Variants in GRIP1 observed in about 807,000 individuals in gnomAD.
The protein encoded by GRIP1 is glutamate receptor-interacting protein 1.
In GRIP1, 45 loss-of-function variants were observed where a neutral mutation model predicts 129.9. The ratio of observed to expected loss-of-function variants is 0.35; its 90% CI spans 0.27 to 0.44. The LOEUF (loss-of-function observed/expected upper bound fraction) is 0.44, where lower values mean the gene tolerates loss of function less well. Among genes scored for constraint, GRIP1 ranks in the 20% least tolerant of loss-of-function variants. The pLI, the probability that GRIP1 is intolerant of heterozygous loss-of-function variation, is 1.00. For missense variants in GRIP1, 1,196 were observed against 1,396.8 expected (o/e 0.86, Z 2.29); for synonymous variants, 530 against 520.8 (o/e 1.02, Z -0.24).
At chr12:66,978,549 C>A (rs149948841) in intron 1 of GRIP1, among the ~76,000 whole-genome samples, 108 of 152,244 alleles carry the variant, frequency 7.1e-4, no homozygotes, top group African/African-American at 2.3e-3. Flanking sequence ...ATATTTTTCC[C>A]AAGGAGGAAA....
intron 1 of GRIP1, among the ~76,000 whole-genome samples, chr12:66,736,334 C>A (rs1438763743): frequency 1.8e-5 from 2 of 109,822 alleles, no homozygotes; most frequent in Non-Finnish European, 3.9e-5. Context: ...TGTGCACCAC[C>A]GTGCCTGGCT....
chr12:66,408,928 G>A (rs936511139), intron 15 of GRIP1, among the ~76,000 whole-genome samples: 2 of 152,150 alleles, frequency 1.3e-5, no homozygotes, highest in Non-Finnish European at 2.9e-5. Context: ...GTGGCCAGGG[G>A]GAGAGACTTC....
intron 1 of GRIP1, among the ~76,000 whole-genome samples, chr12:66,803,007 T>C (rs1447067992): frequency 1.3e-5 from 2 of 152,200 alleles, no homozygotes; most frequent in Non-Finnish European, 2.9e-5. Flanking sequence ...TGCCACCACA[T>C]GAATTTTCAA....
chr12:67,008,952 A>C (rs1293005064), intron 1 of GRIP1, among the ~76,000 whole-genome samples: 1 of 152,194 alleles, frequency 6.6e-6, no homozygotes, highest in Admixed American at 6.5e-5. Flanking sequence ...CCTTGACACA[A>C]AAGTACACTA....
Position 66,768,584 on chromosome 12 carries a change from C to A in GRIP1, c.-420+35469G>T, listed in dbSNP as rs564797386. Among the ~76,000 whole-genome samples the A allele has an allele frequency of 2.6e-5, 4 of 152,300 alleles. No individual in the cohort carries two copies. The South Asian group carries it at 8.3e-4, about 32-fold the overall frequency. ...AGGAACAATGTGTCCTTACTACAAC[C>A]ACCTTTCTGATTTTCCCAATGGCGT... is the stretch of plus-strand genomic sequence containing the variant. On this transcript the variant is annotated intron_variant, in intron 1 of 4. Transcript: ENST00000538373.
chr12:66,704,050 C>A (rs963544078), intron 1 of GRIP1, among the ~76,000 whole-genome samples: 3 of 151,804 alleles, frequency 2.0e-5, no homozygotes, highest in South Asian at 2.1e-4. Context: ...AAGCAGATCC[C>A]AGAATAAAAA....
intron 1 of GRIP1, among the ~76,000 whole-genome samples, chr12:66,637,203 C>T (rs10784565): frequency 0.2 from 29,991 of 151,730 alleles, 3,085 homozygotes; most frequent in Non-Finnish European, 0.23. Flanking sequence ...AGAGTAGAAA[C>T]TGTATAAAAT....
At position 66,531,280 on chromosome 12, in the gene GRIP1, T is replaced by A. The variant is rs1263234667; in HGVS notation, c.419-1366A>T. ...ATATATATATATATATATATATATA[T>A]ATATATATATATATATATATATACA... On this transcript the variant is annotated intron_variant, in intron 4 of 24. Coordinates refer to ENST00000359742, the MANE Select transcript of GRIP1 (RefSeq NM_001366722.1). Among the ~76,000 whole-genome samples the A allele has an allele frequency of 2.7e-4, 5 of 18,470 alleles. 1 individual carries two copies. The highest frequency in any genetic ancestry group is 1.8e-3 in the African/African-American group (4 of 2,276). The allele number at this position is 18,470 out of a possible 152,430, so 12.1% of individuals were successfully genotyped here.
chr12:66,548,673 C>G (rs1020015884), intron 2 of GRIP1, among the ~76,000 whole-genome samples: 50 of 152,086 alleles, frequency 3.3e-4, no homozygotes, highest in African/African-American at 1.2e-3. Flanking sequence ...ATGTGGGAAG[C>G]ATGGAAGTGA....
rs371924847 is a variant in GRIP1 at position 66,899,714 on chromosome 12, A to C, written c.58+169336T>G. On this transcript the variant is annotated intron_variant, in intron 1 of 1. Coordinates refer to the GRIP1 transcript ENST00000643019. ...ACTCATCTTTTGCTATGGGGTAGAT[A>C]CTAGACTTCAATTGCTCATGCATGC... Among the ~76,000 whole-genome samples, 23 of 152,298 alleles carry C rather than the reference A, an allele frequency of 1.5e-4. 1 individual carries two copies. The highest frequency in any genetic ancestry group is 5.5e-4 in the African/African-American group (23 of 41,568).
In GRIP1 at chr12:66,455,488, T is replaced by C; in HGVS notation, c.1275A>G (p.Leu425=). The C allele has an allele frequency of 6.2e-7, 1 of 1,613,290 alleles. No homozygotes were observed. The highest frequency in any genetic ancestry group is 8.5e-7 in the Non-Finnish European group (1 of 1,179,278). Residue 425 remains leucine (L), a synonymous_variant, in exon 11 of 25, where the codon CTA becomes CTG. Coordinates refer to ENST00000359742, the MANE Select transcript of GRIP1 (RefSeq NM_001366722.1). Reference sequence around the variant, plus strand: ...GGCTGGTGGAGTAGAGGCTTCGAGGTAGAGTCCCCATGTTCAGGGAACTCA... The same window carrying C: ...GGCTGGTGGAGTAGAGGCTTCGAGGCAGAGTCCCCATGTTCAGGGAACTCA... The part of the protein sequence containing the change: ...YSLSSLNMGT[L]PRSLYSTSPR...
Position 66,521,569 on chromosome 12 carries a change from C to T in GRIP1, c.503-3593G>A, listed in dbSNP as rs531368584. The stretch of plus-strand genomic sequence containing the variant: ...AACAGCTCCAGTCTACAGCTCCCAG[C>T]GTGAGTGACGCAGAAGACGGGTGAT... On this transcript the variant is annotated intron_variant, in intron 5 of 24. Transcript: ENST00000359742. Among the ~76,000 whole-genome samples, 736 of 152,300 alleles carry T rather than the reference C, an allele frequency of 4.8e-3. 7 individuals carry two copies. Among genetic ancestry groups the T allele is most frequent in the Non-Finnish European group, 4.0e-3 (273 of 68,030 alleles).
chr12:66,378,957 AAAAT>A (rs1171901492), intron 20 of GRIP1, among the ~76,000 whole-genome samples: 5 of 152,112 alleles, frequency 3.3e-5, no homozygotes, highest in Admixed American at 6.5e-5. Context: ...AAAAAATAAA[AAAAT>A]AAATAAATAA....
chr12:66,524,949 C>T (rs1043464886), intron 5 of GRIP1, among the ~76,000 whole-genome samples: 3 of 152,080 alleles, frequency 2.0e-5, no homozygotes, highest in Non-Finnish European at 2.9e-5. Context: ...ATACATTCCT[C>T]GACACATACA....
At chr12:66,647,168 C>T (rs1211431263) in intron 1 of GRIP1, among the ~76,000 whole-genome samples, 2 of 152,168 alleles carry the variant, frequency 1.3e-5, no homozygotes, top group Admixed American at 6.5e-5. Flanking sequence ...ATCCTCTAAA[C>T]GTTCACCACA....
chr12:66,495,031 T>C (rs544866970), intron 7 of GRIP1, among the ~76,000 whole-genome samples: 6 of 152,232 alleles, frequency 3.9e-5, no homozygotes, highest in Non-Finnish European at 8.8e-5. Context: ...CCTTGTACGA[T>C]GCTTGTCGAT....
intron 1 of GRIP1, among the ~76,000 whole-genome samples, chr12:67,019,278 T>C (rs1384904711): frequency 6.6e-6 from 1 of 152,104 alleles, no homozygotes; most frequent in Admixed American, 6.6e-5. Flanking sequence ...AGCTGCACAA[T>C]GCAAACAGCC....
intron 1 of GRIP1, among the ~76,000 whole-genome samples, chr12:66,776,264 A>G (rs1404322183): frequency 6.6e-6 from 1 of 152,224 alleles, no homozygotes; most frequent in African/African-American, 2.4e-5. Flanking sequence ...TATCCAATTC[A>G]GTCCTACTCA....
chr12:66,908,133 T>C (rs760098472), intron 1 of GRIP1, among the ~76,000 whole-genome samples: 4 of 152,238 alleles, frequency 2.6e-5, no homozygotes, highest in Non-Finnish European at 5.9e-5. Context: ...ATGGAAGATA[T>C]GATTTCCATT....
Sources: gnomAD v4.1 joint callset for allele counts (sites outside exome capture counted in the v4.1 genomes callset) on GRCh38, gnomAD v4.1.1 for gene constraint, MANE v1.5 for transcripts, NCBI Gene and HGNC (gene_info 2026-07-23, HGNC 2026-07-21) for gene names.